Variants in SHROOM2 observed in about 807,000 individuals in gnomAD.
SHROOM2 encodes shroom family member 2.
A neutral mutation model predicts 75.9 loss-of-function variants in SHROOM2; 33 were observed. The ratio of observed to expected loss-of-function variants is 0.43; its 90% CI spans 0.33 to 0.58. The LOEUF (loss-of-function observed/expected upper bound fraction) is 0.58. SHROOM2 is among the 20% of genes least tolerant of loss of function. SHROOM2 has a pLI of 0.04. For synonymous variants in SHROOM2, 655 were observed against 663.6 expected (o/e 0.99, Z 0.20); for missense variants, 1,434 against 1,461.2 (o/e 0.98, Z 0.30).
intron 5 of SHROOM2, among the ~76,000 whole-genome samples, chrX:9,909,696 A>G (rs924765504): frequency 5.3e-5 from 6 of 112,643 alleles, no homozygotes; most frequent in African/African-American, 1.9e-4. Flanking sequence ...ATTGAGAGAC[A>G]TGCTGCAAAA....
chrX:9,905,016 T>TA (rs1045513047), intron 5 of SHROOM2, among the ~76,000 whole-genome samples: 76 of 111,935 alleles, frequency 6.8e-4, no homozygotes, highest in African/African-American at 2.4e-3. Flanking sequence ...CCTAGCTAAT[T>TA]AAAAAAACAA....
chrX:9,945,302 G>A (rs995978842), intron 9 of SHROOM2, among the ~76,000 whole-genome samples: 3 of 110,184 alleles, frequency 2.7e-5, no homozygotes, highest in African/African-American at 1.0e-4. Context: ...GTAGAGATGG[G>A]ATTTCACTAT....
intron 5 of SHROOM2, among the ~76,000 whole-genome samples, chrX:9,906,865 CG>C (rs1382305517): frequency 1.8e-5 from 2 of 112,640 alleles, no homozygotes; most frequent in Non-Finnish European, 3.8e-5. Flanking sequence ...ACAAAGTTTG[CG>C]GAAGATGAGA....
chrX:9,937,056 G>A (rs1039299085), intron 6 of SHROOM2, 78 bp from the exon 7 acceptor site: 19 of 1,002,338 alleles, frequency 1.9e-5, no homozygotes, highest in Non-Finnish European at 2.6e-5. Flanking sequence ...CCATCCAGAG[G>A]GGAGGGCAGG....
At chrX:9,809,922 T>G (rs1323184074) in intron 1 of SHROOM2, among the ~76,000 whole-genome samples, 1 of 112,527 alleles carries the variant, frequency 8.9e-6, no homozygotes. Context: ...GTGATCCACC[T>G]GCCTTGGCCT....
At chrX:9,894,076 G>A (rs925639981) in intron 3 of SHROOM2, among the ~76,000 whole-genome samples, 1 of 109,428 alleles carries the variant, frequency 9.1e-6, no homozygotes, top group Non-Finnish European at 1.9e-5. Flanking sequence ...AACGATCCGG[G>A]CATCAGGCTG....
intron 1 of SHROOM2, among the ~76,000 whole-genome samples, chrX:9,791,447 TTTC>T (rs1477359624): frequency 2.7e-5 from 3 of 112,220 alleles, no homozygotes; most frequent in Admixed American, 9.5e-5. Context: ...CTGTGGAACT[TTTC>T]TTCTTGCACA....
intron 5 of SHROOM2, among the ~76,000 whole-genome samples, chrX:9,904,272 C>T (rs947507870): frequency 2.7e-5 from 3 of 111,862 alleles, no homozygotes; most frequent in African/African-American, 9.8e-5. Flanking sequence ...CTAATCCCAG[C>T]ACTTTGGGAG....
In SHROOM2 at chrX:9,823,761, T is replaced by TC. The variant is rs1425029281; in HGVS notation, c.165+37051_165+37052insC. On this transcript the variant is annotated intron_variant, in intron 1 of 9. Transcript: ENST00000380913. ...TTTTTTCTTTTTTCTTTTTTCTTTT[T>TC]TCTTTTTTTTTTTTTGAGACAGGGT... 3.4e-4 allele frequency among the ~76,000 whole-genome samples: 32 copies of TC among 95,404 alleles called. 1 individual carries two copies. Among genetic ancestry groups the TC allele is most frequent in the East Asian group, 8.1e-4 (2 of 2,458 alleles). 82.8% of individuals were successfully genotyped at this position (95,404 alleles called of 115,157 possible).
At chrX:9,912,774 C>T (rs911663507) in intron 5 of SHROOM2, 18 of 111,763 alleles carry the variant, frequency 1.6e-4, no homozygotes, top group Admixed American at 9.5e-4. Context: ...CTGGTGAGGT[C>T]GGCGAATGTG....
rs148547697 is a variant in SHROOM2 at position 9,944,688 on chromosome X, G to A, written c.4359G>A (p.Glu1453=). The A allele has an allele frequency of 6.4e-4, 773 of 1,209,373 alleles. No homozygotes were observed. The African/African-American group carries it at 0.013, about 20-fold the overall frequency. Residue 1453 remains glutamate, a synonymous_variant, in exon 9 of 10, where the codon GAG becomes GAA. Coordinates refer to ENST00000380913, the MANE Select transcript of SHROOM2 (RefSeq NM_001649.4). ...GCCGCAAGCTGCAGGTGCTCCGGGA[G>A]GCCCGCGAGAGCCTGCTGGAGGACG... ...SISRKLQVLR[E]ARESLLEDVQ... is the part of the protein sequence containing the mutation.
intron 5 of SHROOM2, among the ~76,000 whole-genome samples, chrX:9,905,269 C>T (rs936650193): frequency 3.5e-5 from 4 of 112,972 alleles, no homozygotes; most frequent in Non-Finnish European, 7.5e-5. Context: ...CATCTGTTTT[C>T]TGAAGGCCCA....
chrX:9,926,980 C>T (rs1862346576), intron 5 of SHROOM2, among the ~76,000 whole-genome samples: 1 of 111,040 alleles, frequency 9.0e-6, no homozygotes, highest in Non-Finnish European at 1.9e-5. Flanking sequence ...GAGTTCATCG[C>T]GGGCAGCATT....
chrX:9,793,976 C>T (rs1370512182), intron 1 of SHROOM2, among the ~76,000 whole-genome samples: 1 of 111,647 alleles, frequency 9.0e-6, no homozygotes, highest in Admixed American at 9.5e-5. Context: ...AACTCATGGC[C>T]TCAAGTGATC....
rs1007611611 is a variant in SHROOM2, at chrX:9,896,398, G to A, written c.2490G>A (p.Arg830=). The A allele has an allele frequency of 3.3e-6, 4 of 1,211,436 alleles. No homozygotes were observed. The African/African-American group carries it at 6.9e-5, about 21-fold the overall frequency. Residue 830 remains arginine, a synonymous_variant, in exon 4 of 10, where the codon CGG becomes CGA. Coordinates refer to ENST00000380913, the MANE Select transcript of SHROOM2 (RefSeq NM_001649.4). The stretch of plus-strand genomic sequence containing the variant: ...CGAGAGACAAGCCAGAGAGGCCGCG[G>A]ACAGCGGGCCGCACATGTGAGGGCA... ...GIPRDKPERP[R]TAGRTCEGTE...
At position 9,873,937 on chromosome X, in the gene SHROOM2, C is replaced by T. The variant is rs146442193; in HGVS notation, c.317+134C>T. On this transcript the variant is annotated intron_variant, in intron 2 of 9. Coordinates refer to ENST00000380913, the MANE Select transcript of SHROOM2 (RefSeq NM_001649.4). The stretch of plus-strand genomic sequence containing the variant: ...GACATGCACTTAGAGTTATATGTCT[C>T]GGCCAAGCATGGGCCCGGCATCAAG... The T allele has an allele frequency of 3.8e-4, 239 of 632,367 alleles. No homozygotes were observed. In the African/African-American group the frequency reaches 4.6e-3, roughly 12 times the overall value. 52.1% of individuals were successfully genotyped at this position (632,367 alleles called of 1,213,427 possible).
At chrX:9,946,202 T>A (rs2084817406) in intron 9 of SHROOM2, among the ~76,000 whole-genome samples, 1 of 113,194 alleles carries the variant, frequency 8.8e-6, no homozygotes, top group Admixed American at 9.3e-5. Context: ...CTTCTCCTCC[T>A]CCTGCCAGGA....
At chrX:9,819,460 TGACA>T (rs775552057) in intron 1 of SHROOM2, 1 of 308,278 alleles carries the variant, frequency 3.2e-6, no homozygotes, top group South Asian at 7.0e-5. Context: ...GGGTTGACGT[TGACA>T]GACATTTTGG....
rs182532883 is a variant in SHROOM2 at position 9,876,995 on chromosome X, C to T, written c.317+3192C>T. Among the ~76,000 whole-genome samples, 861 of 112,081 alleles carry T rather than the reference C, an allele frequency of 7.7e-3. 4 individuals carry two copies. Among genetic ancestry groups the T allele is most frequent in the African/African-American group, 0.025 (778 of 30,837 alleles). On this transcript the variant is annotated intron_variant, in intron 2 of 9. Coordinates refer to ENST00000380913, the MANE Select transcript of SHROOM2 (RefSeq NM_001649.4). The stretch of plus-strand genomic sequence containing the variant: ...TAAACATGATTTGAATAGTGGTTCA[C>T]GGATAAACTCCCCTCCCTGTAGTGA...
Sources: allele counts gnomAD v4.1 joint callset (sites outside exome capture counted in the v4.1 genomes callset), GRCh38; gene constraint gnomAD v4.1.1; transcripts MANE v1.5; gene names NCBI Gene and HGNC (gene_info 2026-07-23, HGNC 2026-07-21).